The following MYLK variants were observed in gnomAD, a reference collection of about 807,000 sequenced individuals.
MYLK encodes myosin light chain kinase.
In MYLK, 106 loss-of-function variants were observed where a neutral mutation model predicts 203.4. That is an observed-to-expected ratio of 0.52 (90% CI 0.45 to 0.61). The LOEUF is 0.61. Among genes scored for constraint, MYLK ranks in the 20% least tolerant of loss-of-function variants. The pLI is 0.00. For synonymous variants in MYLK, 867 were observed against 959.5 expected (o/e 0.90, Z 1.78); for missense variants, 2,072 against 2,442.3 (o/e 0.85, Z 3.20).
chr3:123,836,304 C>T lies in MYLK; in HGVS notation c.-126-4634G>A, dbSNP rs558732671. Among the ~76,000 whole-genome samples the T allele has an allele frequency of 1.1e-4, 17 of 152,308 alleles. No homozygotes were observed. The South Asian group carries it at 3.5e-3, about 32-fold the overall frequency. On this transcript the variant is annotated intron_variant, in intron 2 of 33. Transcript: ENST00000360304. ...CCCACACCTGCTTCTAGGTACCCAG[C>T]TCCTAGGTATCCAGCACCAACTTCT...
At chr3:123,673,876 C>T (rs565508759) in intron 20 of MYLK, among the ~76,000 whole-genome samples, 7 of 152,320 alleles carry the variant, frequency 4.6e-5, no homozygotes, top group Admixed American at 2.0e-4. Context: ...GGGCAGAGCA[C>T]GCCCTACTCA....
intron 3 of MYLK, among the ~76,000 whole-genome samples, chr3:123,830,115 C>G (rs1486385029): frequency 1.3e-5 from 2 of 152,234 alleles, no homozygotes; most frequent in Non-Finnish European, 2.9e-5. Context: ...GACTTTTGGC[C>G]AGGCAGATGT....
chr3:123,667,364 G>A (rs1001206505), intron 20 of MYLK, among the ~76,000 whole-genome samples, 177 bp from the exon 21 acceptor site: 5 of 152,050 alleles, frequency 3.3e-5, no homozygotes, highest in Admixed American at 1.3e-4. Context: ...CACTTTGGGA[G>A]GCCGAGGCAG....
At chr3:123,652,260 T>C (rs1301213846) in intron 24 of MYLK, among the ~76,000 whole-genome samples, 1 of 151,714 alleles carries the variant, frequency 6.6e-6, no homozygotes, top group Non-Finnish European at 1.5e-5. Context: ...CTGGTTTCCA[T>C]CTTTCCACTA....
Position 123,700,648 on chromosome 3 carries a change from C to A in MYLK, c.2820G>T (p.Glu940Asp). ...QRQVKPKTVS[E>D]EERKVHSPQQ... ...GGGGGCTGTGCACCTTCCTCTCTTC[C>A]TCAGACACAGTCTTTGGCTTCACTT... Residue 940 changes from glutamate to aspartate, a missense_variant, in exon 18 of 34, where the codon GAG becomes GAT. This residue lies in a region of MYLK where 865 missense variants were observed against 1,016.0 expected (regional missense o/e 0.85). Coordinates refer to ENST00000360304, the MANE Select transcript of MYLK (RefSeq NM_053025.4). 4 of 1,614,114 alleles carry A rather than the reference C, an allele frequency of 2.5e-6. No individual in the cohort carries two copies. Among genetic ancestry groups the A allele is most frequent in the Non-Finnish European group, 3.4e-6 (4 of 1,180,040 alleles).
intron 20 of MYLK, among the ~76,000 whole-genome samples, chr3:123,675,469 G>A (rs967299084): frequency 6.6e-6 from 1 of 152,154 alleles, no homozygotes; most frequent in African/African-American, 2.4e-5. Flanking sequence ...AAATCAGCAG[G>A]GCAGAGAGAC....
In MYLK at chr3:123,663,593, G is replaced by A. The variant is rs1020726308; in HGVS notation, c.3985+512C>T. On this transcript the variant is annotated intron_variant, in intron 23 of 33. Coordinates refer to ENST00000360304, the MANE Select transcript of MYLK (RefSeq NM_053025.4). ...GCTGCTGGGAGGAGCCAGGAGAGAG[G>A]AAGAGGTTGAAGAGAGAAGTAGGGA... is the stretch of plus-strand genomic sequence containing the variant. Among the ~76,000 whole-genome samples, 8 of 152,230 alleles carry A rather than the reference G, an allele frequency of 5.3e-5. No homozygotes were observed. The South Asian group carries it at 6.2e-4, about 12-fold the overall frequency.
At chr3:123,702,319 G>A (rs2061271743) in intron 16 of MYLK, among the ~76,000 whole-genome samples, 1 of 152,208 alleles carries the variant, frequency 6.6e-6, no homozygotes, top group Non-Finnish European at 1.5e-5. Flanking sequence ...GGGAAGGGGT[G>A]GGGGCAGGTC....
At chr3:123,635,176 G>A (rs1477421054) in intron 29 of MYLK, among the ~76,000 whole-genome samples, 2 of 152,230 alleles carry the variant, frequency 1.3e-5, no homozygotes, top group African/African-American at 4.8e-5. Flanking sequence ...AAGTCGCCCT[G>A]ACAGGGACTG....
At chr3:123,758,137 T>C (rs2108909825) in intron 4 of MYLK, among the ~76,000 whole-genome samples, 2 of 152,040 alleles carry the variant, frequency 1.3e-5, no homozygotes, top group South Asian at 4.2e-4. Flanking sequence ...ATGGGTATGT[T>C]ATGAGGGTGA....
chr3:123,827,588 T>C (rs1278926610), intron 3 of MYLK, among the ~76,000 whole-genome samples: 1 of 149,614 alleles, frequency 6.7e-6, no homozygotes, highest in Non-Finnish European at 1.5e-5. Flanking sequence ...AGAAATAAAA[T>C]ATTTCACAGA....
chr3:123,866,805 T>C (rs532879520), intron 2 of MYLK, among the ~76,000 whole-genome samples: 23 of 152,134 alleles, frequency 1.5e-4, no homozygotes, highest in Non-Finnish European at 2.6e-4. Context: ...TTACCTCTCC[T>C]GTTAGAATTA....
chr3:123,868,754 T>C (rs2148705393), intron 2 of MYLK, among the ~76,000 whole-genome samples: 1 of 152,276 alleles, frequency 6.6e-6, no homozygotes. Flanking sequence ...AAATGCAAAA[T>C]GTACAAATAA....
rs2058806352 is a variant in MYLK, at chr3:123,640,791, A to G, written c.4620-287T>C. 1.3e-5 allele frequency among the ~76,000 whole-genome samples: 2 copies of G among 152,198 alleles called. No individual in the cohort carries two copies. On this transcript the variant is annotated intron_variant, in intron 27 of 33. Coordinates refer to ENST00000360304, the MANE Select transcript of MYLK (RefSeq NM_053025.4). The surrounding 1 kb of genome is among the most constrained non-coding windows in gnomAD (Gnocchi z 4.3). ...TGGGTGTGAACACAGAGATCCAGAC[A>G]TGATCTTCTTAGCAAAAAGAGTGAC...
At chr3:123,864,859 C>G (rs1233074345) in intron 2 of MYLK, among the ~76,000 whole-genome samples, 1 of 152,200 alleles carries the variant, frequency 6.6e-6, no homozygotes, top group African/African-American at 2.4e-5. Context: ...CCACTGCACT[C>G]TAGCTTGAGT....
intron 2 of MYLK, among the ~76,000 whole-genome samples, chr3:123,841,465 C>T (rs148425298): frequency 4.6e-5 from 7 of 152,128 alleles, no homozygotes; most frequent in African/African-American, 1.4e-4. Flanking sequence ...TTCTGTATAT[C>T]CCTTTCTCCC....
intron 2 of MYLK, among the ~76,000 whole-genome samples, chr3:123,870,372 C>T (rs1470736983): frequency 6.6e-6 from 1 of 152,216 alleles, no homozygotes; most frequent in African/African-American, 2.4e-5. Flanking sequence ...AAGGAAGCTG[C>T]AGCAGAGTAC....
In MYLK at chr3:123,614,264, G is replaced by A. The variant is rs563208285; in HGVS notation, c.5586C>T (p.Asp1862=). The A allele has an allele frequency of 2.4e-5, 38 of 1,614,064 alleles. No individual in the cohort carries two copies. Among genetic ancestry groups the A allele is most frequent in the Non-Finnish European group, 3.1e-5 (36 of 1,180,022 alleles). ...CACTAATAATTAAAGAGCAGTTCCC[G>A]TCCTCATCGTAGTCTATCTGGAAGT... is the stretch of plus-strand genomic sequence containing the variant. ...SRHFQIDYDE[D]GNCSLIISDV... is the part of the protein sequence containing the mutation. Residue 1862 remains aspartate (D), a synonymous_variant, in exon 34 of 34, where the codon GAC becomes GAT. Transcript: ENST00000360304.
At chr3:123,681,817 A>G (rs370699835) in intron 20 of MYLK, 30 of 263,892 alleles carry the variant, frequency 1.1e-4, no homozygotes, top group Non-Finnish European at 8.3e-5. Context: ...GGGCCACTGC[A>G]TATTTCAACC....
Sources: allele counts gnomAD v4.1 joint callset (sites outside exome capture counted in the v4.1 genomes callset), GRCh38; gene constraint gnomAD v4.1.1; regional missense constraint gnomAD v4.1.1; non-coding constraint Gnocchi (gnomAD v3.1); transcripts MANE v1.5; gene names NCBI Gene and HGNC (gene_info 2026-07-23, HGNC 2026-07-21).